APBB2: variants seen among roughly 807,000 people sequenced by gnomAD.
APBB2 encodes Fe65-like 1.
In APBB2, 38 loss-of-function variants were observed where a neutral mutation model predicts 82.5. The observed-to-expected ratio is 0.46, with a 90% CI of 0.36 to 0.60. The LOEUF is 0.60. Ranked by LOEUF, APBB2 falls within the 20% of genes least tolerant of loss-of-function variation. The probability of loss-of-function intolerance (pLI) is 0.00; values close to 1 mark genes in which losing one functional copy is unlikely to be tolerated. For missense variants in APBB2, 772 were observed against 972.3 expected (o/e 0.79, Z 2.74); for synonymous variants, 341 against 368.2 (o/e 0.93, Z 0.85).
rs190415143 is a variant in APBB2, at chr4:40,812,790, G to A, written c.*3302C>T. ...TAGCAGTGCCACAGTTTATCACCAAGAACTTATTTTAATGGAAATGGGTCT... is the reference window on the plus strand; with the variant it reads ...TAGCAGTGCCACAGTTTATCACCAAAAACTTATTTTAATGGAAATGGGTCT... On this transcript the variant is annotated 3_prime_UTR_variant, in exon 18 of 18. Coordinates refer to ENST00000508593, the MANE Select transcript of APBB2 (RefSeq NM_004307.2). The A allele has an allele frequency of 9.2e-5, 14 of 152,318 alleles. No homozygotes were observed. The highest frequency in any genetic ancestry group is 1.3e-4 in the Non-Finnish European group (9 of 68,038). 9.4% of individuals were successfully genotyped at this position (152,318 alleles called of 1,614,324 possible).
chr4:41,071,360 G>A (rs1317050171), intron 3 of APBB2, among the ~76,000 whole-genome samples: 2 of 152,064 alleles, frequency 1.3e-5, no homozygotes, highest in African/African-American at 4.8e-5. Flanking sequence ...TGCAGTTATA[G>A]TACAATATAA....
chr4:41,001,857 GAC>G (rs1361089465), intron 6 of APBB2, among the ~76,000 whole-genome samples: 1 of 149,554 alleles, frequency 6.7e-6, no homozygotes, highest in African/African-American at 2.5e-5. Context: ...CAGCCTGGGT[GAC>G]AGAGTGAGAC....
At chr4:40,901,909 A>ATATGTGTGTGTGTGTGTGTG (rs766567645) in intron 10 of APBB2, among the ~76,000 whole-genome samples, 1 of 145,436 alleles carries the variant, frequency 6.9e-6, no homozygotes, top group African/African-American at 2.6e-5. Context: ...ATCCAAAATT[A>ATATGTGTGTGTGTGTGTGTG]TGTGTGTGTG....
Position 41,014,259 on chromosome 4 carries a change from T to C in APBB2, c.159A>G (p.Ile53Met), listed in dbSNP as rs764946397. ...TGCTGTTCTTGGTTTCTGTGTGTTT[T>C]ATTTCAGCGTTCAACAGTTCATTGT... ...SSHNELLNAE[I>M]KHTETKNSTP... The change falls in exon 6 of 18, where the codon ATA (isoleucine) becomes ATG (methionine). Residue 53 changes from isoleucine to methionine, a missense_variant. Physicochemically the swap from Ile to Met is conservative, Grantham distance 10. Coordinates refer to ENST00000508593, the MANE Select transcript of APBB2 (RefSeq NM_004307.2). The C allele has an allele frequency of 4.3e-6, 7 of 1,614,094 alleles. No individual in the cohort carries two copies. In the South Asian group the frequency reaches 7.7e-5, roughly 18 times the overall value.
chr4:41,189,853 T>C (rs1216218584), intron 1 of APBB2, among the ~76,000 whole-genome samples: 3 of 152,234 alleles, frequency 2.0e-5, no homozygotes, highest in Non-Finnish European at 4.4e-5. Context: ...TAACACTTAC[T>C]GTCTGTGAAC....
At chr4:41,084,685 T>C (rs1738989893) in intron 3 of APBB2, 1 of 152,200 alleles carries the variant, frequency 6.6e-6, no homozygotes, top group Admixed American at 6.5e-5. Flanking sequence ...AAGGATGACA[T>C]GCAAATTTGT....
intron 1 of APBB2, among the ~76,000 whole-genome samples, chr4:41,168,039 G>C (rs1312907278): frequency 6.6e-6 from 1 of 152,166 alleles, no homozygotes; most frequent in Non-Finnish European, 1.5e-5. Flanking sequence ...GGGAGGCCGA[G>C]GCGGGCGGAT....
intron 4 of APBB2, among the ~76,000 whole-genome samples, chr4:41,051,756 C>T (rs1272746680): frequency 1.3e-5 from 2 of 152,204 alleles, no homozygotes; most frequent in African/African-American, 4.8e-5. Flanking sequence ...TTCCTAAGAG[C>T]ATCTACCACC....
At chr4:41,152,580 G>A (rs1162412705) in intron 1 of APBB2, among the ~76,000 whole-genome samples, 3 of 152,054 alleles carry the variant, frequency 2.0e-5, no homozygotes, top group South Asian at 2.1e-4. Context: ...TACCCACCTC[G>A]GCCTCCCAAA....
rs143989392 is a variant in APBB2 at position 40,866,559 on chromosome 4, T to C, written c.1529+23805A>G. Among the ~76,000 whole-genome samples the C allele has an allele frequency of 4.0e-3, 611 of 152,272 alleles. 5 individuals are homozygous for C. Among genetic ancestry groups the C allele is most frequent in the African/African-American group, 0.014 (576 of 41,566 alleles). On this transcript the variant is annotated intron_variant, in intron 12 of 17. Coordinates refer to ENST00000508593, the MANE Select transcript of APBB2 (RefSeq NM_004307.2). Reference sequence around the variant, plus strand: ...ATGCCCTAAAGAGATATCAGCTACATTAGAAGGCCACAGAAACTGAGGCCG... The same window carrying C: ...ATGCCCTAAAGAGATATCAGCTACACTAGAAGGCCACAGAAACTGAGGCCG...
At chr4:40,933,384 C>G (rs112339364) in intron 10 of APBB2, among the ~76,000 whole-genome samples, 5,915 of 152,186 alleles carry the variant, frequency 0.039, 389 homozygotes, top group African/African-American at 0.14. Flanking sequence ...CTTCCCATGG[C>G]CCCACAATCT....
chr4:41,009,829 T>C (rs1406910583), intron 6 of APBB2, among the ~76,000 whole-genome samples: 4 of 152,202 alleles, frequency 2.6e-5, no homozygotes, highest in Non-Finnish European at 5.9e-5. Flanking sequence ...TTTATATATA[T>C]ACACATACAC....
At chr4:41,153,625 T>C (rs1580451372) in intron 1 of APBB2, among the ~76,000 whole-genome samples, 1 of 152,154 alleles carries the variant, frequency 6.6e-6, no homozygotes, top group Non-Finnish European at 1.5e-5. Context: ...TCAAGATAAA[T>C]GAGGCAGAAT....
chr4:40,989,358 G>A (rs1001087436), intron 6 of APBB2, among the ~76,000 whole-genome samples: 17 of 151,992 alleles, frequency 1.1e-4, no homozygotes, highest in Non-Finnish European at 1.5e-5. Context: ...TGCAGAAAAC[G>A]TTCATTTCCT....
rs148747496 is a variant in APBB2 at position 40,917,365 on chromosome 4, C to T, written c.1254+17091G>A. ...GGGAAGTGACTTGCCCAAGGTCTCC[C>T]GGGCTGGAAGCAGCAGAGACGGGTG... is the stretch of plus-strand genomic sequence containing the variant. On this transcript the variant is annotated intron_variant, in intron 10 of 17. Coordinates refer to ENST00000508593, the MANE Select transcript of APBB2 (RefSeq NM_004307.2). Among the ~76,000 whole-genome samples, 199 of 152,226 alleles carry T rather than the reference C, an allele frequency of 1.3e-3. 1 individual carries two copies. The highest frequency in any genetic ancestry group is 4.4e-3 in the African/African-American group (184 of 41,540).
intron 4 of APBB2, among the ~76,000 whole-genome samples, chr4:41,037,141 G>A (rs917850764): frequency 6.6e-6 from 1 of 152,172 alleles, no homozygotes; most frequent in African/African-American, 2.4e-5. Context: ...AAACATTTAA[G>A]TAGGTTTGGA....
At chr4:41,025,334 A>G (rs1276150857) in intron 5 of APBB2, among the ~76,000 whole-genome samples, 1 of 152,186 alleles carries the variant, frequency 6.6e-6, no homozygotes, top group Non-Finnish European at 1.5e-5. Flanking sequence ...CAGAATGGCT[A>G]TTACTAAAAA....
chr4:40,964,453 A>AGCTAGATG (rs1560400582), intron 6 of APBB2, among the ~76,000 whole-genome samples: 1 of 144,058 alleles, frequency 6.9e-6, no homozygotes, highest in African/African-American at 2.6e-5. Flanking sequence ...TAAGATAAAC[A>AGCTAGATG]AATCATTTTT....
At chr4:40,937,566 C>T (rs1329789905) in intron 7 of APBB2, among the ~76,000 whole-genome samples, 2 of 152,140 alleles carry the variant, frequency 1.3e-5, no homozygotes, top group Non-Finnish European at 2.9e-5. Flanking sequence ...AGTGATTTTA[C>T]AAAAACTTAA....
Sources: gnomAD v4.1 joint callset for allele counts (sites outside exome capture counted in the v4.1 genomes callset) on GRCh38, gnomAD v4.1.1 for gene constraint, MANE v1.5 for transcripts, NCBI Gene and HGNC (gene_info 2026-07-23, HGNC 2026-07-21) for gene names.